Variants in KCNAB2 observed in about 807,000 individuals in gnomAD.
KCNAB2 encodes potassium voltage-gated channel subfamily A regulatory beta subunit 2, also known as voltage-gated potassium channel subunit beta-2.
In KCNAB2, 29 loss-of-function variants were observed where a neutral mutation model predicts 63.6. That is an observed-to-expected ratio of 0.46 (90% CI 0.34 to 0.62). The LOEUF (loss-of-function observed/expected upper bound fraction) is 0.62, where lower values mean the gene tolerates loss of function less well. KCNAB2 is among the 20% of genes least tolerant of loss of function. The probability of loss-of-function intolerance (pLI) is 0.01; values close to 1 mark genes in which losing one functional copy is unlikely to be tolerated. For missense variants in KCNAB2, 359 were observed against 563.9 expected, an observed-to-expected ratio of 0.64 and a Z score of 3.68; for synonymous variants, 222 against 224.2, an observed-to-expected ratio of 0.99 and a Z score of 0.09.
chr1:6,077,902 C>T (rs1263065190), intron 4 of KCNAB2, among the ~76,000 whole-genome samples: 1 of 152,232 alleles, frequency 6.6e-6, no homozygotes, highest in Admixed American at 6.5e-5. Flanking sequence ...GTGCGAGCTG[C>T]CTGTGGCTGC....
intron 1 of KCNAB2, among the ~76,000 whole-genome samples, chr1:6,050,444 G>A (rs1419789465): frequency 6.6e-6 from 1 of 152,226 alleles, no homozygotes; most frequent in African/African-American, 2.4e-5. Flanking sequence ...AGACTCTGCA[G>A]GGTGAGGACT....
rs200731377 is a variant in KCNAB2 at position 6,089,142 on chromosome 1, C to G, written c.514+91C>G. On this transcript the variant is annotated intron_variant, in intron 8 of 15. Coordinates refer to ENST00000378083, the MANE Select transcript of KCNAB2 (RefSeq NM_001199862.2). Reference sequence around the variant, plus strand: ...ATGGCAGCACAGGGCCCGACCCCCCCAGTTAACCCACTGAGGGCCCAATCC... The same window carrying G: ...ATGGCAGCACAGGGCCCGACCCCCCGAGTTAACCCACTGAGGGCCCAATCC... The G allele has an allele frequency of 4.4e-4, 599 of 1,355,394 alleles. 2 individuals carry two copies. In the East Asian group the frequency reaches 0.013, roughly 30 times the overall value. The allele number at this position is 1,355,394 out of a possible 1,614,324, so 84.0% of individuals were successfully genotyped here. A position where few individuals can be genotyped will look rare whatever the true frequency, so the allele number is the denominator to read the frequency against.
intron 5 of KCNAB2, among the ~76,000 whole-genome samples, chr1:6,082,644 G>A (rs1278158518): frequency 2.0e-5 from 3 of 152,172 alleles, no homozygotes; most frequent in African/African-American, 7.2e-5. Context: ...CCTCAGAGCT[G>A]GGGAGGGCAG....
chr1:5,994,407 C>G lies in KCNAB2; in HGVS notation c.-53+1619C>G, dbSNP rs1270720770. Among the ~76,000 whole-genome samples the G allele has an allele frequency of 6.6e-6, 1 of 152,230 alleles. No individual in the cohort carries two copies. The highest frequency in any genetic ancestry group is 1.5e-5 in the Non-Finnish European group (1 of 68,042). On this transcript the variant is annotated intron_variant, in intron 1 of 16. Coordinates refer to the KCNAB2 transcript ENST00000341524. This position sits in a 1 kb window ranked among gnomAD's most constrained non-coding sequence, Gnocchi z 5.4. Reference sequence around the variant, plus strand: ...TGGGGCCCTAAGAGTGCACTTGGTCCTCCAGGTCCTGTCATTGTCTCCACG... The same window carrying G: ...TGGGGCCCTAAGAGTGCACTTGGTCGTCCAGGTCCTGTCATTGTCTCCACG...
In KCNAB2 at chr1:5,993,655, G is replaced by A. The variant is rs896399652; in HGVS notation, c.-53+867G>A. On this transcript the variant is annotated intron_variant, in intron 1 of 16. Coordinates refer to the KCNAB2 transcript ENST00000341524. Reference sequence around the variant, plus strand: ...TCCCTCCTCCTGGCATTTGTCCTGGGGGCTCTTACAGGGACTGTGCTTTGC... The same window carrying A: ...TCCCTCCTCCTGGCATTTGTCCTGGAGGCTCTTACAGGGACTGTGCTTTGC... 3.3e-5 allele frequency among the ~76,000 whole-genome samples: 5 copies of A among 152,150 alleles called. No individual in the cohort carries two copies. In the East Asian group the frequency reaches 7.7e-4, roughly 23 times the overall value.
chr1:6,037,529 G>A (rs114642490), intron 1 of KCNAB2, among the ~76,000 whole-genome samples: 101 of 152,342 alleles, frequency 6.6e-4, no homozygotes, highest in African/African-American at 2.1e-3. Flanking sequence ...CCTGGGGGCA[G>A]GAACTCCATT....
Position 6,073,894 on chromosome 1 carries a change from C to A in KCNAB2, c.300+124C>A. The stretch of plus-strand genomic sequence containing the variant: ...AGCCAGCGCAGCAGCCTCCCTCCCT[C>A]TTTCTGTTTTGTGAGGGCGCCCTGC... On this transcript the variant is annotated intron_variant, in intron 4 of 15. Coordinates refer to ENST00000378083, the MANE Select transcript of KCNAB2 (RefSeq NM_001199862.2). The surrounding 1 kb of genome is among the most constrained non-coding windows in gnomAD (Gnocchi z 5.7). The A allele has an allele frequency of 9.7e-7, 1 of 1,035,076 alleles. No individual in the cohort carries two copies. The allele number at this position is 1,035,076 out of a possible 1,614,324, so 64.1% of individuals were successfully genotyped here. A position where few individuals can be genotyped will look rare whatever the true frequency, so the allele number is the denominator to read the frequency against.
chr1:6,009,697 G>C (rs1176829653), intron 1 of KCNAB2, among the ~76,000 whole-genome samples: 1 of 152,300 alleles, frequency 6.6e-6, no homozygotes, highest in African/African-American at 2.4e-5. Context: ...CCTTCGAGGA[G>C]TTGGGGGATG....
rs574575361 is a variant in KCNAB2 at position 6,098,004 on chromosome 1, C to T, written c.1159-481C>T. On this transcript the variant is annotated intron_variant, in intron 15 of 15. Transcript: ENST00000378083. ...GGAAGTGGCAGCTGCGGGTCCGAGACGGGAGTGGTGGTTGGATCCTGGATG... is the reference window on the plus strand; with the variant it reads ...GGAAGTGGCAGCTGCGGGTCCGAGATGGGAGTGGTGGTTGGATCCTGGATG... 13 of 199,500 alleles carry T rather than the reference C, an allele frequency of 6.5e-5. No homozygotes were observed. In the South Asian group the frequency reaches 1.9e-3, roughly 29 times the overall value. 12.4% of individuals were successfully genotyped at this position (199,500 alleles called of 1,614,324 possible). A position where few individuals can be genotyped will look rare whatever the true frequency, so the allele number is the denominator to read the frequency against.
At chr1:6,070,621 G>T (rs968471506) in intron 2 of KCNAB2, among the ~76,000 whole-genome samples, 2 of 152,164 alleles carry the variant, frequency 1.3e-5, no homozygotes, top group East Asian at 3.8e-4. Flanking sequence ...TAAAGAAAAG[G>T]TTACCCTCCT....
chr1:6,013,142 C>T (rs1328548203), intron 1 of KCNAB2, among the ~76,000 whole-genome samples: 4 of 152,126 alleles, frequency 2.6e-5, no homozygotes, highest in East Asian at 3.9e-4. Context: ...TTGTTCAGAG[C>T]GGGCTGAGAC....
chr1:6,080,005 G>A (rs146386814), intron 4 of KCNAB2, among the ~76,000 whole-genome samples: 2 of 152,314 alleles, frequency 1.3e-5, no homozygotes, highest in Non-Finnish European at 2.9e-5. Context: ...AAATCAAAGT[G>A]CAGAAACATA....
At position 6,069,693 on chromosome 1, in the gene KCNAB2, C is replaced by T. The variant is rs937040403; in HGVS notation, c.219-3062C>T. On this transcript the variant is annotated intron_variant, in intron 2 of 15. Transcript: ENST00000378083. This position sits in a 1 kb window ranked among gnomAD's most constrained non-coding sequence, Gnocchi z 5.4. ...CCGGCTGAGACGTGTGCTCCCCACCCCACACGCAGCAGCCATGCTTACAAA... is the reference window on the plus strand; with the variant it reads ...CCGGCTGAGACGTGTGCTCCCCACCTCACACGCAGCAGCCATGCTTACAAA... Among the ~76,000 whole-genome samples the T allele has an allele frequency of 3.3e-5, 5 of 152,230 alleles. No homozygotes were observed. Among genetic ancestry groups the T allele is most frequent in the African/African-American group, 1.2e-4 (5 of 41,460 alleles).
At chr1:6,093,102 A>G (rs561866841) in intron 10 of KCNAB2, among the ~76,000 whole-genome samples, 2 of 152,292 alleles carry the variant, frequency 1.3e-5, no homozygotes, top group East Asian at 3.9e-4. Context: ...GAACAAACCC[A>G]GCATCTTCCA....
chr1:6,036,920 C>A (rs1346223001), intron 1 of KCNAB2, among the ~76,000 whole-genome samples: 1 of 152,170 alleles, frequency 6.6e-6, no homozygotes, highest in African/African-American at 2.4e-5. Context: ...TTAGGCTTTG[C>A]CAGCCAGCCA....
chr1:6,028,606 C>A lies in KCNAB2; in HGVS notation c.-52-11911C>A, dbSNP rs950695121. Among the ~76,000 whole-genome samples the A allele has an allele frequency of 1.3e-5, 2 of 152,158 alleles. No individual in the cohort carries two copies. The highest frequency in any genetic ancestry group is 2.4e-5 in the African/African-American group (1 of 41,432). On this transcript the variant is annotated intron_variant, in intron 1 of 16. Transcript: ENST00000341524. This position sits in a 1 kb window ranked among gnomAD's most constrained non-coding sequence, Gnocchi z 4.0. ...CACATGCTGGTGGCCGCTCTGGGTG[C>A]GGGGGTACATCCGTGAAGGAAAGAG...
At chr1:6,045,808 T>C, upstream of KCNAB2, 1 of 703,332 alleles carries the variant, frequency 1.4e-6, no homozygotes, top group Non-Finnish European at 1.7e-6. This position sits in a 1 kb window ranked among gnomAD's most constrained non-coding sequence, Gnocchi z 4.8. Context: ...GCGGGGATGG[T>C]GGAGGCAGCA....
intron 2 of KCNAB2, among the ~76,000 whole-genome samples, chr1:6,068,766 G>A (rs1662960113): frequency 1.3e-5 from 2 of 152,184 alleles, no homozygotes; most frequent in African/African-American, 4.8e-5. Flanking sequence ...GGGGGAGCCT[G>A]ATCCCAGCCT....
At chr1:6,094,644 T>C (rs909049297) in intron 11 of KCNAB2, among the ~76,000 whole-genome samples, 159 bp downstream of exon 11, 1 of 152,256 alleles carries the variant, frequency 6.6e-6, no homozygotes, top group Non-Finnish European at 1.5e-5. Context: ...GTGGTGGTTA[T>C]GTCTGTAGGC....
Sources: gnomAD v4.1 joint callset for allele counts (sites outside exome capture counted in the v4.1 genomes callset) on GRCh38, gnomAD v4.1.1 for gene constraint, Gnocchi (gnomAD v3.1) non-coding constraint, MANE v1.5 for transcripts, NCBI Gene and HGNC (gene_info 2026-07-23, HGNC 2026-07-21) for gene names.